LRPPRC: variants seen among roughly 807,000 people sequenced by gnomAD.
LRPPRC encodes leucine rich pentatricopeptide repeat containing, also known as leucine-rich PPR motif-containing protein, mitochondrial.
In LRPPRC, 120 loss-of-function variants were observed where a neutral mutation model predicts 180.3. That is an observed-to-expected ratio of 0.67 (90% CI 0.57 to 0.77). The LOEUF is 0.77. LRPPRC is among the 30% of genes least tolerant of loss of function. LRPPRC has a pLI of 0.00. For synonymous variants in LRPPRC, 723 were observed against 600.0 expected, an observed-to-expected ratio of 1.21 and a Z score of -3.00; for missense variants, 2,012 against 1,657.2, an observed-to-expected ratio of 1.21 and a Z score of -3.72.
chr2:43,976,041 C>G, intron 6 of LRPPRC, 102 bp downstream of exon 6: 2 of 700,166 alleles, frequency 2.9e-6, no homozygotes, highest in Non-Finnish European at 5.1e-6. Flanking sequence ...ATAATTTTCT[C>G]TAATTTAAAC....
intron 37 of LRPPRC, among the ~76,000 whole-genome samples, chr2:43,889,364 T>TAAAAACC (rs1670398984): frequency 1.8e-5 from 1 of 57,100 alleles, no homozygotes; most frequent in East Asian, 4.5e-4. Context: ...GACGAAGAAA[T>TAAAAACC]AAAAACCAAC....
rs187822633 is a variant in LRPPRC at position 43,985,871 on chromosome 2, T to C, written c.150-3437A>G. ...CTAATGGTAAATCTATGTTTAGCTT[T>C]CTAAGAAAACTATCAAACTATCTTC... On this transcript the variant is annotated intron_variant, in intron 1 of 37. Transcript: ENST00000260665. Among the ~76,000 whole-genome samples the C allele has an allele frequency of 4.8e-3, 733 of 152,348 alleles. 12 individuals are homozygous for C. The highest frequency in any genetic ancestry group is 8.4e-3 in the Non-Finnish European group (570 of 68,028).
intron 25 of LRPPRC, among the ~76,000 whole-genome samples, chr2:43,931,557 C>CT (rs550318477): frequency 2.6e-5 from 4 of 152,198 alleles, no homozygotes; most frequent in Non-Finnish European, 5.9e-5. Flanking sequence ...TGTCTCTACT[C>CT]TAAGTGCAGA....
At chr2:43,933,820 A>G in intron 25 of LRPPRC, among the ~76,000 whole-genome samples, 1 of 152,218 alleles carries the variant, frequency 6.6e-6, no homozygotes, top group Non-Finnish European at 1.5e-5. Context: ...TCTGCAGCAA[A>G]TTAAATTCCA....
At chr2:43,926,004 G>A (rs753262600) in intron 25 of LRPPRC, 43 bp from the exon 26 acceptor site, 10 of 1,131,578 alleles carry the variant, frequency 8.8e-6, no homozygotes, top group Middle Eastern at 1.9e-4. Flanking sequence ...GTAAGGCTTC[G>A]GCTGAATATT....
At chr2:43,906,082 T>C (rs1044882468) in intron 30 of LRPPRC, among the ~76,000 whole-genome samples, 2 of 152,170 alleles carry the variant, frequency 1.3e-5, no homozygotes, top group Admixed American at 6.6e-5. Flanking sequence ...CTAAAATAAC[T>C]GCGTGCCCCG....
intron 1 of LRPPRC, among the ~76,000 whole-genome samples, chr2:43,989,844 C>G (rs1674692164): frequency 1.3e-5 from 2 of 152,184 alleles, no homozygotes; most frequent in Non-Finnish European, 2.9e-5. Context: ...ACTTCTAACC[C>G]TGTTTCCTAA....
rs1328524516 is a variant in LRPPRC, at chr2:43,976,181, T to C, written c.699A>G (p.Ala233=). ...MKTKDLPVTE[A]VFSALVTGHA... is the part of the protein sequence containing the mutation. ...GCCCTGTCACAAGGGCACTGAATAC[T>C]GCCTCTGTAACTGGGAGATCCTTAG... Residue 233 remains alanine (A), a synonymous_variant, in exon 6 of 38, where the codon GCA becomes GCG. Coordinates refer to ENST00000260665, the MANE Select transcript of LRPPRC (RefSeq NM_133259.4). 4.3e-6 allele frequency: 7 copies of C among 1,612,982 alleles called. No homozygotes were observed. The East Asian group carries it at 1.6e-4, about 36-fold the overall frequency.
chr2:43,974,160 G>C lies in LRPPRC; in HGVS notation c.1145C>G (p.Thr382Ser). Residue 382 changes from threonine to serine, a missense_variant, in exon 9 of 38, where the codon ACT becomes AGT. Transcript: ENST00000260665. Reference sequence around the variant, plus strand: ...AAGTGGACAGAATACCGTATTCATAGTCACACAGTGTTGTAAAAAGAAACT... The same window carrying C: ...AAGTGGACAGAATACCGTATTCATACTCACACAGTGTTGTAAAAAGAAACT... ...FGSFFLQHCV[T>S]MNTPVEKLTD... The C allele has an allele frequency of 6.2e-7, 1 of 1,613,568 alleles. No homozygotes were observed. The highest frequency in any genetic ancestry group is 8.5e-7 in the Non-Finnish European group (1 of 1,179,516).
At chr2:43,933,319 AGTC>A (rs751914254) in intron 25 of LRPPRC, among the ~76,000 whole-genome samples, 25 of 152,224 alleles carry the variant, frequency 1.6e-4, no homozygotes, top group Non-Finnish European at 3.2e-4. Flanking sequence ...CATGATAAGC[AGTC>A]ATCAATACAC....
At chr2:43,934,974 T>C (rs1672225998) in intron 23 of LRPPRC, 96 bp from the exon 24 acceptor site, 2 of 929,846 alleles carry the variant, frequency 2.2e-6, no homozygotes, top group African/African-American at 1.6e-5. Context: ...CCAGTTAATA[T>C]GTAAACAACT....
chr2:43,955,254 G>C (rs1015160154), intron 14 of LRPPRC, among the ~76,000 whole-genome samples: 1 of 151,988 alleles, frequency 6.6e-6, no homozygotes, highest in Non-Finnish European at 1.5e-5. Flanking sequence ...GATCACCTGA[G>C]GCCAGGAGTT....
chr2:43,943,786 A>G lies in LRPPRC; in HGVS notation c.2405T>C (p.Ile802Thr), dbSNP rs199672454. The G allele has an allele frequency of 4.3e-6, 7 of 1,613,518 alleles. No homozygotes were observed. Among genetic ancestry groups the G allele is most frequent in the African/African-American group, 1.3e-5 (1 of 75,006 alleles). ...TTCATGCAACTGTTTTACTGTTTCAATTTCACCTCTTAAAGCTGCGCCATT... is the reference window on the plus strand; with the variant it reads ...TTCATGCAACTGTTTTACTGTTTCAGTTTCACCTCTTAAAGCTGCGCCATT... ...MLNGAALRGE[I>T]ETVKQLHEAI... The change falls in exon 23 of 38, where the codon ATT becomes ACT. Residue 802 changes from isoleucine to threonine, a missense_variant. Transcript: ENST00000260665.
Position 43,979,926 on chromosome 2 carries a change from GGCA to G in LRPPRC, c.366_368del (p.Ala123del). The stretch of plus-strand genomic sequence containing the variant: ...AACCACAACTACGTAGTAGAAGCAA[GGCA>G]TGACTACCACCTAGGCCACCTGTGG... On this transcript the variant is annotated inframe_deletion, in exon 3 of 38. Coordinates refer to ENST00000260665, the MANE Select transcript of LRPPRC (RefSeq NM_133259.4). 6.2e-7 allele frequency: 1 copy of G among 1,613,834 alleles called. No homozygotes were observed. Among genetic ancestry groups the G allele is most frequent in the Non-Finnish European group, 8.5e-7 (1 of 1,179,840 alleles).
chr2:43,980,929 G>A (rs1444959307), intron 2 of LRPPRC, among the ~76,000 whole-genome samples: 2 of 152,254 alleles, frequency 1.3e-5, no homozygotes, highest in East Asian at 3.9e-4. Context: ...ATAAGTCAGA[G>A]AGAGAATGTG....
chr2:43,976,960 T>G, intron 5 of LRPPRC, 34 bp downstream of exon 5: 4 of 1,561,338 alleles, frequency 2.6e-6, no homozygotes, highest in South Asian at 2.2e-5. Context: ...ATGTACAAAT[T>G]TGTTCGCTTA....
intron 20 of LRPPRC, among the ~76,000 whole-genome samples, chr2:43,946,578 T>C (rs1442277679): frequency 6.6e-6 from 1 of 152,236 alleles, no homozygotes; most frequent in East Asian, 1.9e-4. Flanking sequence ...CACAGTCTAA[T>C]TTCAGGATGC....
At chr2:43,939,204 C>A (rs535908866) in intron 23 of LRPPRC, among the ~76,000 whole-genome samples, 109 of 151,978 alleles carry the variant, frequency 7.2e-4, no homozygotes, top group African/African-American at 2.6e-3. Context: ...TGGCATCAAC[C>A]CAGGAGGCGG....
chr2:43,905,660 A>G (rs767016962), intron 31 of LRPPRC, 32 bp downstream of exon 31: 2 of 1,472,408 alleles, frequency 1.4e-6, no homozygotes, highest in Admixed American at 3.3e-5. Context: ...AGAGGCATTA[A>G]TGTGACGTAA....
Sources: gnomAD v4.1 joint callset for allele counts (sites outside exome capture counted in the v4.1 genomes callset) on GRCh38, gnomAD v4.1.1 for gene constraint, MANE v1.5 for transcripts, NCBI Gene and HGNC (gene_info 2026-07-23, HGNC 2026-07-21) for gene names.